Variants in PTPRM observed in about 807,000 individuals in gnomAD.
The protein encoded by PTPRM is protein tyrosine phosphatase receptor type M.
PTPRM carries 47 observed loss-of-function variants against 186.7 expected under a neutral mutation model. The ratio of observed to expected loss-of-function variants is 0.25; its 90% CI spans 0.20 to 0.32. The LOEUF (loss-of-function observed/expected upper bound fraction) is 0.32. Ranked by LOEUF, PTPRM falls within the 10% of genes least tolerant of loss-of-function variation. The pLI is 1.00. For synonymous variants in PTPRM, 668 were observed against 674.9 expected (o/e 0.99, Z 0.16); for missense variants, 1,494 against 1,865.0 (o/e 0.80, Z 3.66).
intron 19 of PTPRM, among the ~76,000 whole-genome samples, chr18:8,266,126 T>G (rs2094697802): frequency 6.6e-6 from 1 of 152,194 alleles, no homozygotes; most frequent in Non-Finnish European, 1.5e-5. Context: ...GAATCTCACT[T>G]CTAACCCACA....
chr18:7,684,918 A>C (rs570264613), intron 1 of PTPRM, among the ~76,000 whole-genome samples: 6 of 152,088 alleles, frequency 3.9e-5, no homozygotes, highest in Non-Finnish European at 8.8e-5. Context: ...TTTTTGAGGA[A>C]TCTCTATACT....
intron 1 of PTPRM, among the ~76,000 whole-genome samples, chr18:7,595,054 C>T (rs966421555): frequency 2.0e-5 from 3 of 152,128 alleles, no homozygotes; most frequent in Non-Finnish European, 2.9e-5. Context: ...ATGTGCCACT[C>T]GTTGAATAGC....
At chr18:8,165,332 TC>T (rs540537399) in intron 14 of PTPRM, among the ~76,000 whole-genome samples, 121 of 152,284 alleles carry the variant, frequency 7.9e-4, no homozygotes, top group Non-Finnish European at 1.0e-3. Context: ...ATCAAGTGTT[TC>T]CCTTTTAGAC....
At chr18:8,303,083 G>A (rs2095178039) in intron 20 of PTPRM, among the ~76,000 whole-genome samples, 1 of 152,132 alleles carries the variant, frequency 6.6e-6, no homozygotes, top group African/African-American at 2.4e-5. Flanking sequence ...TCTGTGGAGG[G>A]AGCAAGGAGG....
intron 7 of PTPRM, among the ~76,000 whole-genome samples, chr18:8,033,100 G>A (rs1269210846): frequency 6.6e-6 from 1 of 151,830 alleles, no homozygotes; most frequent in Non-Finnish European, 1.5e-5. Flanking sequence ...AAAAGAGAAG[G>A]ACAAATGACA....
intron 19 of PTPRM, among the ~76,000 whole-genome samples, chr18:8,274,179 G>C (rs2094806723): frequency 6.6e-6 from 1 of 152,124 alleles, no homozygotes; most frequent in African/African-American, 2.4e-5. Context: ...TTAGGGTCTT[G>C]ATATCCAATT....
intron 19 of PTPRM, among the ~76,000 whole-genome samples, chr18:8,253,824 A>G (rs924187132): frequency 6.6e-6 from 1 of 152,248 alleles, no homozygotes; most frequent in Non-Finnish European, 1.5e-5. Context: ...GTTACATGGA[A>G]AAAGGAAGAA....
chr18:8,005,666 A>G (rs987270227), intron 7 of PTPRM, among the ~76,000 whole-genome samples: 29 of 151,978 alleles, frequency 1.9e-4, no homozygotes, highest in Admixed American at 6.5e-5. Flanking sequence ...TGCCTTTTTT[A>G]TCACCTCAGG....
intron 1 of PTPRM, among the ~76,000 whole-genome samples, chr18:7,613,246 T>A (rs745337669): frequency 6.6e-6 from 1 of 152,136 alleles, no homozygotes; most frequent in Non-Finnish European, 1.5e-5. Context: ...GACTGTTCAT[T>A]TAAAAACTCC....
chr18:7,666,281 T>G (rs1459743985), intron 1 of PTPRM, among the ~76,000 whole-genome samples: 1 of 152,180 alleles, frequency 6.6e-6, no homozygotes, highest in Non-Finnish European at 1.5e-5. Context: ...TTGTCTTCTC[T>G]TCCCAGAACA....
intron 1 of PTPRM, among the ~76,000 whole-genome samples, chr18:7,685,592 G>T (rs1049409773): frequency 1.3e-5 from 2 of 152,146 alleles, no homozygotes; most frequent in African/African-American, 2.4e-5. Flanking sequence ...TGAGATTATG[G>T]ATCATAAGTT....
At chr18:8,257,370 T>G (rs1335872876) in intron 19 of PTPRM, among the ~76,000 whole-genome samples, 2 of 152,214 alleles carry the variant, frequency 1.3e-5, no homozygotes, top group Non-Finnish European at 2.9e-5. Flanking sequence ...CTGAGAGGTT[T>G]GGACATCATT....
intron 1 of PTPRM, among the ~76,000 whole-genome samples, chr18:7,706,420 G>T (rs1317594318): frequency 6.6e-6 from 1 of 151,444 alleles, no homozygotes; most frequent in Non-Finnish European, 1.5e-5. Flanking sequence ...AGCATAGGGA[G>T]ACCCTACTTC....
At chr18:8,084,218 G>A (rs78756316) in intron 9 of PTPRM, among the ~76,000 whole-genome samples, 5,606 of 152,222 alleles carry the variant, frequency 0.037, 156 homozygotes, top group Non-Finnish European at 0.05. Flanking sequence ...TTTCAAATGT[G>A]TGGGTGAATT....
intron 7 of PTPRM, among the ~76,000 whole-genome samples, chr18:8,057,256 G>A (rs1451880939): frequency 1.3e-5 from 2 of 151,646 alleles, no homozygotes; most frequent in African/African-American, 2.4e-5. Flanking sequence ...AACATAAAAT[G>A]TTAACATTTG....
intron 32 of PTPRM, among the ~76,000 whole-genome samples, chr18:8,395,330 G>A (rs529577694): frequency 1.3e-5 from 2 of 152,136 alleles, no homozygotes; most frequent in Admixed American, 1.3e-4. Flanking sequence ...TGGGACAAGC[G>A]CCAAAGCCAA....
chr18:8,357,344 T>G (rs2095568648), intron 23 of PTPRM, among the ~76,000 whole-genome samples: 1 of 152,232 alleles, frequency 6.6e-6, no homozygotes, highest in Non-Finnish European at 1.5e-5. Context: ...CTTTTGAAAA[T>G]AATCTAATCT....
At chr18:7,953,996 T>G (rs1006440779) in intron 6 of PTPRM, among the ~76,000 whole-genome samples, 1 of 152,202 alleles carries the variant, frequency 6.6e-6, no homozygotes. Context: ...AAAAAATCAC[T>G]AGATTTATGT....
chr18:7,757,028 A>C (rs1050032965), intron 1 of PTPRM, among the ~76,000 whole-genome samples: 2 of 152,178 alleles, frequency 1.3e-5, no homozygotes, highest in Admixed American at 1.3e-4. Context: ...TATTCCACAC[A>C]CACACCATGG....
Sources: allele counts gnomAD v4.1 joint callset (sites outside exome capture counted in the v4.1 genomes callset), GRCh38; gene constraint gnomAD v4.1.1; transcripts MANE v1.5; gene names NCBI Gene and HGNC (gene_info 2026-07-23, HGNC 2026-07-21).